DMXL1: variants seen among roughly 807,000 people sequenced by gnomAD.
DMXL1 encodes the protein Dmx like 1, also known as dmX-like protein 1.
DMXL1 carries 99 observed loss-of-function variants against 319.2 expected under a neutral mutation model. The ratio of observed to expected loss-of-function variants is 0.31; its 90% CI spans 0.26 to 0.37. The LOEUF (loss-of-function observed/expected upper bound fraction) is 0.37. DMXL1 is among the 10% of genes least tolerant of loss of function. DMXL1 has a pLI of 1.00. For synonymous variants in DMXL1, 1,385 were observed against 1,235.2 expected, an observed-to-expected ratio of 1.12 and a Z score of -2.54; for missense variants, 3,745 against 3,595.6, an observed-to-expected ratio of 1.04 and a Z score of -1.06.
In DMXL1 at chr5:119,244,342, T is replaced by C. The variant is rs762332145; in HGVS notation, c.8705-17T>C. The C allele has an allele frequency of 2.0e-5, 31 of 1,583,424 alleles. No individual in the cohort carries two copies. The highest frequency in any genetic ancestry group is 2.6e-5 in the Non-Finnish European group (30 of 1,167,164). On this transcript the variant is annotated splice_polypyrimidine_tract_variant and intron_variant, in intron 42 of 43. Transcript: ENST00000539542. Reference sequence around the variant, plus strand: ...TTATTGTTAAGTGTTTTTGTTTTTTTTTTAATTTACTTTCAGCATTTACCT... The same window carrying C: ...TTATTGTTAAGTGTTTTTGTTTTTTCTTTAATTTACTTTCAGCATTTACCT...
At chr5:119,187,604 C>G (rs1014423285) in intron 28 of DMXL1, among the ~76,000 whole-genome samples, 12 of 152,138 alleles carry the variant, frequency 7.9e-5, no homozygotes, top group African/African-American at 2.7e-4. Context: ...AATACACATT[C>G]ATTACTGTGA....
chr5:119,141,278 A>C (rs1303597809), intron 13 of DMXL1, among the ~76,000 whole-genome samples: 1 of 152,010 alleles, frequency 6.6e-6, no homozygotes, highest in Non-Finnish European at 1.5e-5. Context: ...GAGGAATAAA[A>C]GGCATCTAAA....
chr5:119,247,319 T>G lies in DMXL1; in HGVS notation c.*100T>G. 1 of 825,192 alleles carries G rather than the reference T, an allele frequency of 1.2e-6. No individual in the cohort carries two copies. The highest frequency in any genetic ancestry group is 1.9e-6 in the Non-Finnish European group (1 of 539,294). The allele number at this position is 825,192 out of a possible 1,614,324, so 51.1% of individuals were successfully genotyped here. A position where few individuals can be genotyped will look rare whatever the true frequency, so the allele number is the denominator to read the frequency against. On this transcript the variant is annotated 3_prime_UTR_variant, in exon 44 of 44. Transcript: ENST00000539542. ...TCTATGCCACAAATTAGCTAATGCTTTCTTGTTTTTATATTTATTTTATGG... is the reference window on the plus strand; with the variant it reads ...TCTATGCCACAAATTAGCTAATGCTGTCTTGTTTTTATATTTATTTTATGG...
At chr5:119,111,578 T>G (rs1459791442) in intron 5 of DMXL1, among the ~76,000 whole-genome samples, 1 of 152,142 alleles carries the variant, frequency 6.6e-6, no homozygotes, top group Non-Finnish European at 1.5e-5. Flanking sequence ...AGACTAAGAA[T>G]GACACCCAAA....
intron 30 of DMXL1, among the ~76,000 whole-genome samples, chr5:119,195,802 T>TA (rs1480802939): frequency 3.3e-5 from 5 of 152,180 alleles, no homozygotes; most frequent in African/African-American, 4.8e-5. Flanking sequence ...CCACTTGAAA[T>TA]AAAAGAGAAC....
intron 38 of DMXL1, among the ~76,000 whole-genome samples, chr5:119,232,108 G>C (rs1786855692): frequency 1.3e-5 from 2 of 152,110 alleles, no homozygotes; most frequent in South Asian, 4.1e-4. Flanking sequence ...AGTCTCCTGA[G>C]TAGCTAGTAC....
In DMXL1 at chr5:119,220,999, C is replaced by T. The variant is rs766961846; in HGVS notation, c.8195C>T (p.Thr2732Ile). 5.6e-6 allele frequency: 9 copies of T among 1,613,866 alleles called. No homozygotes were observed. In the East Asian group the frequency reaches 2.0e-4, roughly 36 times the overall value. ...GATTTAACAGCTGTTCAAGGTACAA[C>T]TCCATATACACATAGCAATCCTGGC... ...RDDLTAVQGT[T>I]PYTHSNPGTP... Residue 2732 changes from threonine (T) to isoleucine (I), a missense_variant, in exon 37 of 44, where the codon ACT becomes ATT. Thr to Ile is a moderately conservative substitution (Grantham distance 89). Transcript: ENST00000539542.
chr5:119,077,570 G>A (rs974042661), intron 1 of DMXL1, among the ~76,000 whole-genome samples: 1 of 124,276 alleles, frequency 8.0e-6, no homozygotes, highest in African/African-American at 3.1e-5. Flanking sequence ...TGCAGCCTCT[G>A]CCTCCTGGCC....
chr5:119,230,525 A>G (rs988913172), intron 38 of DMXL1, among the ~76,000 whole-genome samples: 3 of 152,240 alleles, frequency 2.0e-5, no homozygotes, highest in African/African-American at 7.2e-5. Flanking sequence ...AGCAGATTCT[A>G]TAGTTTTCCT....
chr5:119,227,279 T>C (rs887092908), intron 38 of DMXL1, among the ~76,000 whole-genome samples: 5 of 152,208 alleles, frequency 3.3e-5, no homozygotes, highest in East Asian at 1.9e-4. Flanking sequence ...AAATGTTTAA[T>C]GTGTTTTCCC....
At chr5:119,179,419 T>C (rs1231448713) in intron 28 of DMXL1, among the ~76,000 whole-genome samples, 1 of 152,064 alleles carries the variant, frequency 6.6e-6, no homozygotes, top group Non-Finnish European at 1.5e-5. Flanking sequence ...GAACATATGC[T>C]TGTACATATA....
intron 13 of DMXL1, among the ~76,000 whole-genome samples, chr5:119,136,504 G>A (rs572187742): frequency 6.6e-6 from 1 of 152,360 alleles, no homozygotes; most frequent in Admixed American, 6.5e-5. Context: ...CAAGGCAATG[G>A]GGAAAATGTC....
chr5:119,220,373 C>A, intron 35 of DMXL1, 99 bp from the exon 36 acceptor site: 1 of 1,075,250 alleles, frequency 9.3e-7, no homozygotes, highest in Non-Finnish European at 1.4e-6. Context: ...TTAGTTATCA[C>A]TGCTAGAGGT....
At chr5:119,115,281 T>C (rs1760589357) in intron 6 of DMXL1, among the ~76,000 whole-genome samples, 1 of 152,258 alleles carries the variant, frequency 6.6e-6, no homozygotes, top group African/African-American at 2.4e-5. Context: ...TATTACCTTT[T>C]AGCTGATGTG....
intron 36 of DMXL1, 142 bp from the exon 37 acceptor site, chr5:119,220,798 G>A: frequency 8.7e-7 from 1 of 1,149,988 alleles, no homozygotes. Context: ...GTTGAGGTAT[G>A]AGGTCATTGT....
chr5:119,132,783 G>T (rs947835352), intron 10 of DMXL1: 5 of 548,554 alleles, frequency 9.1e-6, no homozygotes, highest in Non-Finnish European at 1.8e-5. Context: ...CGATTAATTT[G>T]AACTACTTGG....
intron 13 of DMXL1, among the ~76,000 whole-genome samples, chr5:119,139,500 A>T (rs1482625732): frequency 1.3e-5 from 2 of 152,228 alleles, no homozygotes; most frequent in African/African-American, 4.8e-5. Flanking sequence ...GCAGACTCTG[A>T]ACCAACAAAG....
At chr5:119,119,058 G>A (rs1337470489) in intron 8 of DMXL1, 54 bp downstream of exon 8, 1 of 1,243,808 alleles carries the variant, frequency 8.0e-7, no homozygotes, top group Non-Finnish European at 1.1e-6. Context: ...TTGGTACATT[G>A]CCTTTTTGGT....
chr5:119,091,805 A>G (rs1162552687), intron 1 of DMXL1, among the ~76,000 whole-genome samples: 2 of 152,208 alleles, frequency 1.3e-5, no homozygotes, highest in Non-Finnish European at 2.9e-5. Flanking sequence ...CAAACCTCCT[A>G]CAGGGTGGTG....
Sources: gnomAD v4.1 joint callset for allele counts (sites outside exome capture counted in the v4.1 genomes callset) on GRCh38, gnomAD v4.1.1 for gene constraint, MANE v1.5 for transcripts, NCBI Gene and HGNC (gene_info 2026-07-23, HGNC 2026-07-21) for gene names.